CSMD1: variants seen among roughly 807,000 people sequenced by gnomAD.
CSMD1 encodes the protein CUB and sushi domain-containing protein 1.
In CSMD1, 213 loss-of-function variants were observed where a neutral mutation model predicts 417.5. The observed-to-expected ratio is 0.51, with a 90% CI of 0.46 to 0.57. The LOEUF (loss-of-function observed/expected upper bound fraction) is 0.57, where lower values mean the gene tolerates loss of function less well. Among genes scored for constraint, CSMD1 ranks in the 20% least tolerant of loss-of-function variants. The pLI is 0.00. For synonymous variants in CSMD1, 2,862 were observed against 1,736.8 expected (o/e 1.65, Z -16.11); for missense variants, 6,923 against 4,529.7 (o/e 1.53, Z -15.17).
rs150830001 is a variant in CSMD1 at position 3,534,487 on chromosome 8, G to A, written c.1344+40458C>T. On this transcript the variant is annotated intron_variant, in intron 10 of 69. Coordinates refer to ENST00000635120, the MANE Select transcript of CSMD1 (RefSeq NM_033225.6). The stretch of plus-strand genomic sequence containing the variant: ...TATGACACCCTCTCTCATGCTCAGC[G>A]ATAAGTAGATATTTTTGGCTTTCTC... 2.3e-3 allele frequency among the ~76,000 whole-genome samples: 312 copies of A among 138,034 alleles called. 2 individuals are homozygous for A. The highest frequency in any genetic ancestry group is 8.0e-3 in the African/African-American group (292 of 36,438). 90.6% of individuals were successfully genotyped at this position (138,034 alleles called of 152,430 possible). A position where few individuals can be genotyped will look rare whatever the true frequency, so the allele number is the denominator to read the frequency against.
chr8:3,449,506 C>G (rs1055600662), intron 12 of CSMD1, among the ~76,000 whole-genome samples: 2 of 150,774 alleles, frequency 1.3e-5, no homozygotes, highest in African/African-American at 4.9e-5. Flanking sequence ...ATGAACATAC[C>G]TCTCATGACA....
chr8:4,001,631 C>A (rs1011988843), intron 4 of CSMD1, among the ~76,000 whole-genome samples: 2 of 152,010 alleles, frequency 1.3e-5, no homozygotes, highest in African/African-American at 4.8e-5. Flanking sequence ...TATTTGAGTC[C>A]CCTGAGTCTA....
At chr8:4,096,590 G>A (rs1022395394) in intron 3 of CSMD1, among the ~76,000 whole-genome samples, 2 of 152,110 alleles carry the variant, frequency 1.3e-5, no homozygotes, top group Non-Finnish European at 2.9e-5. Context: ...CTTTTCTTAA[G>A]TTTGTATTGT....
At chr8:3,671,573 A>AACCCTGAC (rs1799063791) in intron 7 of CSMD1, among the ~76,000 whole-genome samples, 1 of 99,140 alleles carries the variant, frequency 1.0e-5, no homozygotes, top group Admixed American at 1.1e-4. Context: ...ATATATATAT[A>AACCCTGAC]TATATATATA....
At chr8:4,112,419 T>C (rs1257704099) in intron 3 of CSMD1, among the ~76,000 whole-genome samples, 1 of 152,140 alleles carries the variant, frequency 6.6e-6, no homozygotes, top group Non-Finnish European at 1.5e-5. Context: ...CCAGTAAATA[T>C]TTAATAAGTA....
At chr8:3,326,718 C>G (rs1440098012) in intron 23 of CSMD1, among the ~76,000 whole-genome samples, 1 of 152,156 alleles carries the variant, frequency 6.6e-6, no homozygotes, top group Non-Finnish European at 1.5e-5. Flanking sequence ...GCCTGTCTCC[C>G]TATTGTATTG....
intron 3 of CSMD1, among the ~76,000 whole-genome samples, chr8:4,251,447 T>G (rs1290890665): frequency 6.6e-6 from 1 of 152,136 alleles, no homozygotes; most frequent in Non-Finnish European, 1.5e-5. Flanking sequence ...AAAAGGCAAT[T>G]AAGGCCCCTA....
chr8:3,559,350 G>A (rs1799367813), intron 10 of CSMD1, among the ~76,000 whole-genome samples: 1 of 152,192 alleles, frequency 6.6e-6, no homozygotes, highest in Admixed American at 6.5e-5. Flanking sequence ...CTGAACAGAG[G>A]TTTAAAGGAG....
intron 10 of CSMD1, among the ~76,000 whole-genome samples, chr8:3,527,616 G>C (rs945205323): frequency 6.6e-6 from 1 of 152,050 alleles, no homozygotes; most frequent in African/African-American, 2.4e-5. Context: ...GCATCTAAGA[G>C]TCCATGAATC....
intron 2 of CSMD1, among the ~76,000 whole-genome samples, chr8:4,634,515 A>C (rs1049856931): frequency 4.6e-5 from 7 of 152,226 alleles, no homozygotes; most frequent in African/African-American, 1.4e-4. Context: ...TTTGTGCAAC[A>C]ATAAAACAAC....
intron 46 of CSMD1, among the ~76,000 whole-genome samples, chr8:3,097,544 G>A (rs374066156): frequency 9.8e-5 from 15 of 152,304 alleles, no homozygotes; most frequent in East Asian, 7.7e-4. Context: ...CGTTTCTGGT[G>A]CAATCACATC....
chr8:3,119,269 T>G (rs1284470275), intron 41 of CSMD1, among the ~76,000 whole-genome samples: 1 of 151,892 alleles, frequency 6.6e-6, no homozygotes, highest in East Asian at 1.9e-4. Flanking sequence ...CCCTTTTATT[T>G]TAAATAGGAA....
chr8:3,395,773 G>A (rs374384127), intron 17 of CSMD1, among the ~76,000 whole-genome samples: 2 of 151,982 alleles, frequency 1.3e-5, no homozygotes, highest in African/African-American at 2.4e-5. Flanking sequence ...ACTCAGATTC[G>A]GTACCACAAA....
chr8:3,757,647 G>T (rs1797733531), intron 5 of CSMD1, among the ~76,000 whole-genome samples: 1 of 152,042 alleles, frequency 6.6e-6, no homozygotes, highest in African/African-American at 2.4e-5. Context: ...TGGATCACCT[G>T]AGGTCAAGAG....
chr8:3,005,391 A>G (rs1807797035), intron 52 of CSMD1, among the ~76,000 whole-genome samples: 1 of 152,222 alleles, frequency 6.6e-6, no homozygotes, highest in South Asian at 2.1e-4. Flanking sequence ...CAATTAATAG[A>G]AAAAGACGGA....
At chr8:4,215,187 C>T (rs186614759) in intron 3 of CSMD1, among the ~76,000 whole-genome samples, 116 of 152,284 alleles carry the variant, frequency 7.6e-4, no homozygotes, top group Non-Finnish European at 1.3e-3. Flanking sequence ...CTTGTGTCCA[C>T]GGCATAAAGG....
At chr8:3,401,443 T>C (rs914615431) in intron 15 of CSMD1, among the ~76,000 whole-genome samples, 1 of 152,188 alleles carries the variant, frequency 6.6e-6, no homozygotes, top group Admixed American at 6.5e-5. Flanking sequence ...AATTGCTTTA[T>C]CCTGATGAAA....
At chr8:4,232,003 T>C (rs1282936592) in intron 3 of CSMD1, among the ~76,000 whole-genome samples, 1 of 152,184 alleles carries the variant, frequency 6.6e-6, no homozygotes, top group Non-Finnish European at 1.5e-5. Context: ...AGCAAAGCCA[T>C]CGACATAGGA....
At chr8:4,218,616 C>T (rs1450997723) in intron 3 of CSMD1, among the ~76,000 whole-genome samples, 6 of 152,250 alleles carry the variant, frequency 3.9e-5, no homozygotes, top group Admixed American at 3.3e-4. Context: ...TCAATAAAAT[C>T]ATATACTGTT....
Sources: allele counts gnomAD v4.1 joint callset (sites outside exome capture counted in the v4.1 genomes callset), GRCh38; gene constraint gnomAD v4.1.1; transcripts MANE v1.5; gene names NCBI Gene and HGNC (gene_info 2026-07-23, HGNC 2026-07-21).